Variants in AGTR1 observed in about 807,000 individuals in gnomAD.
The protein encoded by AGTR1 is type-1 angiotensin II receptor.
In AGTR1, 16 loss-of-function variants were observed where a neutral mutation model predicts 19.4. The observed-to-expected ratio is 0.82, with a 90% confidence interval of 0.56 to 1.25. The LOEUF is 1.25. Ranked by LOEUF, AGTR1 falls within the 50% of genes most tolerant of loss-of-function variation. The pLI, the probability that AGTR1 is intolerant of heterozygous loss-of-function variation, is 0.00. For missense variants in AGTR1, 373 were observed against 431.9 expected, an observed-to-expected ratio of 0.86 and a Z score of 1.21; for synonymous variants, 153 against 154.9, an observed-to-expected ratio of 0.99 and a Z score of 0.09.
chr3:148,734,958 C>T (rs1375918387), intron 2 of AGTR1, among the ~76,000 whole-genome samples: 3 of 152,170 alleles, frequency 2.0e-5, no homozygotes, highest in Non-Finnish European at 4.4e-5. Flanking sequence ...ATGGACGAAG[C>T]AGGCATGGAA....
At chr3:148,722,048 T>A (rs537125369) in intron 2 of AGTR1, among the ~76,000 whole-genome samples, 2 of 152,322 alleles carry the variant, frequency 1.3e-5, no homozygotes, top group African/African-American at 4.8e-5. Flanking sequence ...GTAACTCAAC[T>A]GCTTTTCAGA....
intron 2 of AGTR1, among the ~76,000 whole-genome samples, chr3:148,740,709 G>GA (rs1026252546): frequency 3.4e-4 from 51 of 152,158 alleles, no homozygotes; most frequent in African/African-American, 1.1e-3. Flanking sequence ...TTTACTTATA[G>GA]AAAAAAAGGA....
intron 2 of AGTR1, among the ~76,000 whole-genome samples, chr3:148,715,286 T>C (rs1713232104): frequency 6.6e-6 from 1 of 152,094 alleles, no homozygotes; most frequent in Non-Finnish European, 1.5e-5. Context: ...CTAATGAGGA[T>C]TAGGGAATAG....
At position 148,732,779 on chromosome 3, in the gene AGTR1, C is replaced by T. The variant is rs550939503; in HGVS notation, c.-47-8210C>T. On this transcript the variant is annotated intron_variant, in intron 2 of 2. Transcript: ENST00000349243. ...TTTTTGAGACGGAGTCTCGCTCTGT[C>T]GCCCAGGCTGGAGTGCAGTGGCGGG... Among the ~76,000 whole-genome samples, 6 of 114,732 alleles carry T rather than the reference C, an allele frequency of 5.2e-5. No individual in the cohort carries two copies. The East Asian group carries it at 1.0e-3, about 20-fold the overall frequency. The allele number at this position is 114,732 out of a possible 152,430, so 75.3% of individuals were successfully genotyped here. A position where few individuals can be genotyped will look rare whatever the true frequency, so the allele number is the denominator to read the frequency against.
chr3:148,699,370 C>T (rs1044644344), intron 1 of AGTR1, among the ~76,000 whole-genome samples: 6 of 152,180 alleles, frequency 3.9e-5, no homozygotes, highest in Non-Finnish European at 8.8e-5. Context: ...TATAAGTCTT[C>T]TCTAAGGAAG....
intron 1 of AGTR1, among the ~76,000 whole-genome samples, chr3:148,702,583 A>G (rs527756029): frequency 6.6e-6 from 1 of 152,298 alleles, no homozygotes; most frequent in South Asian, 2.1e-4. Context: ...GTGGGAAGCC[A>G]TTTAAAAATG....
chr3:148,704,040 A>G (rs1244144864), intron 1 of AGTR1, among the ~76,000 whole-genome samples: 1 of 152,134 alleles, frequency 6.6e-6, no homozygotes, highest in African/African-American at 2.4e-5. Flanking sequence ...AGCTTTTTAA[A>G]AAAATAGTAG....
Position 148,742,274 on chromosome 3 carries a change from A to G in AGTR1, c.*159A>G. The G allele has an allele frequency of 9.4e-7, 1 of 1,068,358 alleles. No individual in the cohort carries two copies. Among genetic ancestry groups the G allele is most frequent in the East Asian group, 2.4e-5 (1 of 42,120 alleles). The allele number at this position is 1,068,358 out of a possible 1,614,324, so 66.2% of individuals were successfully genotyped here. On this transcript the variant is annotated 3_prime_UTR_variant, in exon 3 of 3. Coordinates refer to ENST00000349243, the MANE Select transcript of AGTR1 (RefSeq NM_000685.5). ...ACCGACTTTTCTAAAGCTCTGAACA[A>G]AAGCTTTTCTTTCCTTTTGCAACAA...
intron 2 of AGTR1, among the ~76,000 whole-genome samples, chr3:148,719,478 CAT>C (rs368011640): frequency 6.2e-4 from 95 of 152,274 alleles, no homozygotes; most frequent in African/African-American, 2.1e-3. Context: ...TTATATGAAA[CAT>C]ATATTTTTGT....
chr3:148,703,640 T>A (rs1161057054), intron 1 of AGTR1, among the ~76,000 whole-genome samples: 1 of 152,212 alleles, frequency 6.6e-6, no homozygotes, highest in Non-Finnish European at 1.5e-5. Flanking sequence ...ATAAGTAGTT[T>A]ACCCAAAAGC....
At chr3:148,724,218 G>A (rs1001083675) in intron 2 of AGTR1, among the ~76,000 whole-genome samples, 1 of 152,096 alleles carries the variant, frequency 6.6e-6, no homozygotes, top group African/African-American at 2.4e-5. Flanking sequence ...TCCAAGAAAG[G>A]GGGAGGGCCC....
chr3:148,701,549 T>C (rs1232508768), intron 1 of AGTR1, among the ~76,000 whole-genome samples: 1 of 152,236 alleles, frequency 6.6e-6, no homozygotes, highest in Admixed American at 6.5e-5. Context: ...TTTGTGTTTG[T>C]TTCTTCGATA....
intron 1 of AGTR1, among the ~76,000 whole-genome samples, chr3:148,702,771 C>T (rs970503826): frequency 2.6e-5 from 4 of 152,186 alleles, no homozygotes; most frequent in Admixed American, 2.6e-4. Context: ...AAATGTTCCA[C>T]GGAGTCACTT....
chr3:148,738,709 A>T (rs1261018344), intron 2 of AGTR1, among the ~76,000 whole-genome samples: 1 of 152,206 alleles, frequency 6.6e-6, no homozygotes, highest in Non-Finnish European at 1.5e-5. Context: ...TAAAAGCACC[A>T]AGGAATTTTC....
chr3:148,718,675 T>C (rs184159985), intron 2 of AGTR1, among the ~76,000 whole-genome samples: 5 of 152,356 alleles, frequency 3.3e-5, no homozygotes, highest in Non-Finnish European at 5.9e-5. Context: ...TTTTTAAACC[T>C]ATATATTATG....
At chr3:148,727,222 G>C (rs1371403838) in intron 2 of AGTR1, among the ~76,000 whole-genome samples, 1 of 152,178 alleles carries the variant, frequency 6.6e-6, no homozygotes, top group Non-Finnish European at 1.5e-5. Flanking sequence ...TTGTAACTAA[G>C]TATGGTATCT....
chr3:148,725,080 T>C (rs1292882786), intron 2 of AGTR1, among the ~76,000 whole-genome samples: 1 of 152,130 alleles, frequency 6.6e-6, no homozygotes, highest in African/African-American at 2.4e-5. Flanking sequence ...TGAAATTCTA[T>C]TAAAAAACAA....
intron 2 of AGTR1, among the ~76,000 whole-genome samples, chr3:148,736,652 C>G (rs1174322886): frequency 6.6e-6 from 1 of 152,106 alleles, no homozygotes; most frequent in African/African-American, 2.4e-5. Context: ...AACTGAGGGT[C>G]ATGTTCAGAG....
chr3:148,700,354 A>C (rs1480829035), intron 1 of AGTR1, among the ~76,000 whole-genome samples: 2 of 151,982 alleles, frequency 1.3e-5, no homozygotes, highest in Admixed American at 1.3e-4. Flanking sequence ...GGAATTTAAA[A>C]CTCATAGTTT....
Sources: gnomAD v4.1 joint callset for allele counts (sites outside exome capture counted in the v4.1 genomes callset) on GRCh38, gnomAD v4.1.1 for gene constraint, MANE v1.5 for transcripts, NCBI Gene and HGNC (gene_info 2026-07-23, HGNC 2026-07-21) for gene names.